The following PGCKA1 variants were observed in gnomAD, a reference collection of about 807,000 sequenced individuals.
PGCKA1 encodes PDCD10 and GCKIII kinases associated 1.
At chr4:37,465,644 A>G in the PGCKA1 span, among the ~76,000 whole-genome samples, 1 of 152,158 alleles carries the variant, frequency 6.6e-6, no homozygotes, top group African/African-American at 2.4e-5. Flanking sequence ...GGTCCTTCAT[A>G]TCTACCAGGT....
the PGCKA1 span, among the ~76,000 whole-genome samples, chr4:37,512,492 G>A: frequency 7.1e-6 from 1 of 140,064 alleles, no homozygotes. Flanking sequence ...TCTCACTCTG[G>A]TGTCGCCAGC....
chr4:37,525,433 A>G, the PGCKA1 span, among the ~76,000 whole-genome samples: 5 of 152,214 alleles, frequency 3.3e-5, no homozygotes, highest in African/African-American at 1.2e-4. Context: ...CCACTCTCCA[A>G]CGTAGTCCCT....
At chr4:37,577,979 C>T in the PGCKA1 span, among the ~76,000 whole-genome samples, 5 of 152,066 alleles carry the variant, frequency 3.3e-5, no homozygotes, top group Admixed American at 6.6e-5. Flanking sequence ...ATGGTCTATC[C>T]TTGAGAATAG....
chr4:37,573,448 A>G, the PGCKA1 span, among the ~76,000 whole-genome samples: 5 of 152,204 alleles, frequency 3.3e-5, no homozygotes. Flanking sequence ...TCTCAGCTGC[A>G]TGCCATCCTG....
the PGCKA1 span, among the ~76,000 whole-genome samples, chr4:37,548,907 T>C: frequency 1.3e-5 from 2 of 152,270 alleles, no homozygotes; most frequent in African/African-American, 4.8e-5. Flanking sequence ...GTGATGCTTG[T>C]GCACATGGCA....
the PGCKA1 span, among the ~76,000 whole-genome samples, chr4:37,471,786 T>A: frequency 6.6e-6 from 1 of 152,104 alleles, no homozygotes; most frequent in Non-Finnish European, 1.5e-5. Flanking sequence ...GAAGAAAAGT[T>A]GGCCAGGGGA....
chr4:37,582,268 G>A, the PGCKA1 span, among the ~76,000 whole-genome samples: 1 of 152,144 alleles, frequency 6.6e-6, no homozygotes, highest in Non-Finnish European at 1.5e-5. Context: ...GCTTGTTGGT[G>A]TAGATGATAG....
chr4:37,457,328 C>T, the PGCKA1 span, among the ~76,000 whole-genome samples: 1 of 152,098 alleles, frequency 6.6e-6, no homozygotes. Flanking sequence ...TTCAGTTGAC[C>T]ACAACATGGC....
At chr4:37,458,841 A>G in the PGCKA1 span, among the ~76,000 whole-genome samples, 10 of 152,238 alleles carry the variant, frequency 6.6e-5, no homozygotes, top group East Asian at 5.8e-4. Flanking sequence ...ATGGAGAATC[A>G]TGGCCTTTTT....
At chr4:37,563,808 T>G in the PGCKA1 span, among the ~76,000 whole-genome samples, 2,090 of 152,304 alleles carry the variant, frequency 0.014, 104 homozygotes, top group East Asian at 0.14. Context: ...TCCAAATGCT[T>G]CAAGTTTCTT....
At chr4:37,575,890 T>C in the PGCKA1 span, among the ~76,000 whole-genome samples, 2 of 152,292 alleles carry the variant, frequency 1.3e-5, no homozygotes, top group African/African-American at 4.8e-5. Context: ...GGTTCCTTTG[T>C]TGAAAATGAG....
the PGCKA1 span, among the ~76,000 whole-genome samples, chr4:37,575,361 C>T: frequency 6.6e-6 from 1 of 152,136 alleles, no homozygotes; most frequent in East Asian, 1.9e-4. Flanking sequence ...ATGTTGAGCA[C>T]CTTTTCCTAT....
At chr4:37,592,391 A>G in the PGCKA1 span, among the ~76,000 whole-genome samples, 1 of 149,286 alleles carries the variant, frequency 6.7e-6, no homozygotes, top group East Asian at 2.0e-4. Flanking sequence ...CTACAAAATT[A>G]TACTCAAGGA....
the PGCKA1 span, among the ~76,000 whole-genome samples, chr4:37,561,257 T>C: frequency 6.6e-6 from 1 of 152,178 alleles, no homozygotes; most frequent in African/African-American, 2.4e-5. Context: ...ATGCTCATCC[T>C]CCTCTGCCTA....
At chr4:37,522,879 C>T in the PGCKA1 span, among the ~76,000 whole-genome samples, 1 of 151,884 alleles carries the variant, frequency 6.6e-6, no homozygotes, top group Non-Finnish European at 1.5e-5. Flanking sequence ...CCTTTCAACC[C>T]TTCTCTCTCC....
chr4:37,540,945 CT>C, the PGCKA1 span, among the ~76,000 whole-genome samples: 182 of 146,306 alleles, frequency 1.2e-3, no homozygotes, highest in East Asian at 6.3e-3. Context: ...AAAAAAACCC[CT>C]TTTTTTTTTT....
the PGCKA1 span, among the ~76,000 whole-genome samples, chr4:37,582,235 T>A: frequency 6.6e-6 from 1 of 152,152 alleles, no homozygotes; most frequent in Non-Finnish European, 1.5e-5. Flanking sequence ...ATTGTGTACC[T>A]GATTTTTGGT....
chr4:37,501,647 G>A, the PGCKA1 span, among the ~76,000 whole-genome samples: 1 of 152,196 alleles, frequency 6.6e-6, no homozygotes, highest in Non-Finnish European at 1.5e-5. Context: ...TTGTAAGGCA[G>A]GACTGGTGGT....
the PGCKA1 span, among the ~76,000 whole-genome samples, chr4:37,550,187 T>C: frequency 6.6e-6 from 1 of 152,160 alleles, no homozygotes; most frequent in Admixed American, 6.5e-5. Context: ...TCACAGTCTT[T>C]GAAGTAAGAC....
Sources: gnomAD v4.1 joint callset for allele counts (sites outside exome capture counted in the v4.1 genomes callset) on GRCh38, gnomAD v4.1.1 for gene constraint, MANE v1.5 for transcripts, NCBI Gene and HGNC (gene_info 2026-07-23, HGNC 2026-07-21) for gene names.